The following CAPN3 variants were observed in gnomAD, a reference collection of about 807,000 sequenced individuals.
The protein encoded by CAPN3 is calpain-3.
In CAPN3, 88 loss-of-function variants were observed where a neutral mutation model predicts 114.0. The observed-to-expected ratio is 0.77, with a 90% CI of 0.65 to 0.92. CAPN3 has a LOEUF of 0.92. Ranked by LOEUF, CAPN3 falls within the 40% of genes least tolerant of loss-of-function variation. The probability of loss-of-function intolerance (pLI) is 0.00; values close to 1 mark genes in which losing one functional copy is unlikely to be tolerated. For missense variants in CAPN3, 1,028 were observed against 1,069.0 expected (o/e 0.96, Z 0.53); for synonymous variants, 386 against 382.9 (o/e 1.01, Z -0.09).
intron 2 of CAPN3, 72 bp from the exon 3 acceptor site, chr15:42,386,095 G>A: frequency 9.5e-7 from 1 of 1,049,928 alleles, no homozygotes; most frequent in Admixed American, 1.7e-5. Context: ...GGAGTGGCTG[G>A]CTGGGATTGG....
At chr15:42,391,366 G>C (rs1047552404) in intron 6 of CAPN3, among the ~76,000 whole-genome samples, 1 of 152,110 alleles carries the variant, frequency 6.6e-6, no homozygotes, top group Non-Finnish European at 1.5e-5. Context: ...GATATGCTTA[G>C]GTAATGACAG....
chr15:42,410,100 G>A (rs948723224), intron 19 of CAPN3, 105 bp downstream of exon 19: 4 of 991,202 alleles, frequency 4.0e-6, no homozygotes, highest in African/African-American at 3.2e-5. Flanking sequence ...TTGTGCCCAG[G>A]GAAACTTAAG....
rs985712258 is a variant in CAPN3, at chr15:42,390,047, T to A, written c.896T>A (p.Leu299His). Residue 299 changes from leucine (L) to histidine (H), a missense_variant, in exon 6 of 24, where the codon CTC becomes CAC. Leu to His is a moderately conservative substitution (Grantham distance 99, BLOSUM62 -3). Transcript: ENST00000397163. ...RMVRNMDNSLLQDSDLDPRGS... is the reference protein window; with the variant it reads ...RMVRNMDNSLHQDSDLDPRGS... ...GTAAGGAATATGGATAACTCACTGCTCCAGGACTCAGACCTCGACCCCAGA... is the reference window on the plus strand; with the variant it reads ...GTAAGGAATATGGATAACTCACTGCACCAGGACTCAGACCTCGACCCCAGA... 2.5e-5 allele frequency: 40 copies of A among 1,614,054 alleles called. No homozygotes were observed. Among genetic ancestry groups the A allele is most frequent in the Non-Finnish European group, 3.2e-5 (38 of 1,180,008 alleles).
In CAPN3 at chr15:42,401,678, C is replaced by T. The variant is rs752507483; in HGVS notation, c.1392C>T (p.Leu464=). ...CCAACCCTCAGTACCGTCTGAAGCT[C>T]CTGGAGGAGGACGATGACCCTGATG... is the stretch of plus-strand genomic sequence containing the variant. ...FWTNPQYRLK[L]LEEDDDPDDS... is the part of the protein sequence containing the mutation. Residue 464 remains leucine (L), a synonymous_variant, in exon 11 of 24, where the codon CTC becomes CTT. Transcript: ENST00000397163. 5.0e-6 allele frequency: 8 copies of T among 1,614,180 alleles called. No individual in the cohort carries two copies. Among genetic ancestry groups the T allele is most frequent in the South Asian group, 1.1e-5 (1 of 91,080 alleles).
intron 21 of CAPN3, 37 bp downstream of exon 21, chr15:42,410,703 G>T: frequency 1.3e-6 from 2 of 1,553,456 alleles, no homozygotes; most frequent in Admixed American, 1.7e-5. Flanking sequence ...ATGTGGACCC[G>T]AGACGGTGGG....
chr15:42,373,169 GGTGA>G (rs2052999845), intron 1 of CAPN3, among the ~76,000 whole-genome samples: 13 of 152,146 alleles, frequency 8.5e-5, no homozygotes, highest in Admixed American at 7.9e-4. Context: ...CTCCAGCCTG[GGTGA>G]CAGAGCAAGA....
chr15:42,403,411 C>G (rs1446501128), intron 13 of CAPN3, among the ~76,000 whole-genome samples: 2 of 152,094 alleles, frequency 1.3e-5, no homozygotes, highest in Non-Finnish European at 2.9e-5. Context: ...CCAGGAAAGC[C>G]ACATCCTGTC....
intron 22 of CAPN3, 110 bp downstream of exon 22, chr15:42,411,110 A>G (rs1044866326): frequency 8.3e-6 from 9 of 1,079,606 alleles, no homozygotes; most frequent in African/African-American, 7.8e-5. Flanking sequence ...ACAAGGGCCA[A>G]TGACCTCTTT....
Position 42,403,960 on chromosome 15 carries a change from A to T in CAPN3, c.1782+183A>T, listed in dbSNP as rs7163986. 133,877 of 690,964 alleles carry T rather than the reference A, an allele frequency of 0.19. 18,601 individuals carry two copies. The highest frequency in any genetic ancestry group is 0.55 in the African/African-American group (31,564 of 56,900). 42.8% of individuals were successfully genotyped at this position (690,964 alleles called of 1,614,324 possible). A position where few individuals can be genotyped will look rare whatever the true frequency, so the allele number is the denominator to read the frequency against. On this transcript the variant is annotated intron_variant, in intron 14 of 23. Coordinates refer to ENST00000397163, the MANE Select transcript of CAPN3 (RefSeq NM_000070.3). ...GCATGGCCAGAAGTAATCGGCCTTA[A>T]GCACCGGGGGCCATTGAGGCAGTTC...
chr15:42,401,345 A>G (rs563510877), intron 10 of CAPN3, among the ~76,000 whole-genome samples: 2 of 152,172 alleles, frequency 1.3e-5, no homozygotes, highest in East Asian at 1.9e-4. Flanking sequence ...ACCAGATTCT[A>G]GTCACCAACA....
intron 1 of CAPN3, among the ~76,000 whole-genome samples, chr15:42,377,314 T>C (rs990277465): frequency 6.6e-6 from 1 of 152,200 alleles, no homozygotes; most frequent in African/African-American, 2.4e-5. Flanking sequence ...TTTTTGAAAG[T>C]GGATGATCGT....
intron 17 of CAPN3, 44 bp from the exon 18 acceptor site, chr15:42,409,743 T>A: frequency 6.5e-7 from 1 of 1,542,802 alleles, no homozygotes. Context: ...CGCCAGGAGC[T>A]GCTGTACTCC....
chr15:42,411,703 T>TGC, intron 23 of CAPN3, 44 bp from the exon 24 acceptor site: 1 of 379,472 alleles, frequency 2.6e-6, no homozygotes, highest in Non-Finnish European at 4.5e-6. Context: ...GGGGGGGGGG[T>TGC]CACTCTTTTC....
intron 1 of CAPN3, among the ~76,000 whole-genome samples, chr15:42,367,107 T>C (rs2052807278): frequency 6.6e-6 from 1 of 152,122 alleles, no homozygotes; most frequent in South Asian, 2.1e-4. Context: ...GCTGGGATTA[T>C]AGGCATGAGG....
At chr15:42,384,162 C>G (rs1411951262) in intron 1 of CAPN3, among the ~76,000 whole-genome samples, 1 of 151,918 alleles carries the variant, frequency 6.6e-6, no homozygotes, top group Non-Finnish European at 1.5e-5. Flanking sequence ...ATCTGTAATC[C>G]CAGCACTTTG....
At chr15:42,409,024 A>AG in intron 16 of CAPN3, 1 of 436,854 alleles carries the variant, frequency 2.3e-6, no homozygotes, top group South Asian at 2.2e-5. Context: ...GGGATGGTGG[A>AG]GGGGGCTCTT....
chr15:42,401,752 G>A lies in CAPN3; in HGVS notation c.1466G>A (p.Arg489Gln), dbSNP rs147764579. 5.7e-5 allele frequency: 92 copies of A among 1,613,902 alleles called. No individual in the cohort carries two copies. The Middle Eastern group carries it at 6.6e-4, about 12-fold the overall frequency. The change falls in exon 11 of 24, where the codon CGG becomes CAG. Residue 489 changes from arginine (R) to glutamine (Q), a missense_variant. By Grantham distance (43) the Arg-to-Gln change is conservative. Transcript: ENST00000397163. ...SFLVALMQKN[R>Q]RKDRKLGASL... ...CTGGTGGCCCTGATGCAGAAGAACC[G>A]GCGGAAGGACCGGAAGCTAGGGGCC...
rs1011699008 is a variant in CAPN3, at chr15:42,384,522, A to C, written c.349A>C (p.Asn117His). The change falls in exon 2 of 24, where the codon AAC (asparagine) becomes CAC (histidine). Residue 117 changes from asparagine to histidine, a missense_variant. Physicochemically the swap from Asn to His is moderately conservative, Grantham distance 68. Coordinates refer to ENST00000397163, the MANE Select transcript of CAPN3 (RefSeq NM_000070.3). Reference protein sequence around the residue: ...ENPRFIIDGANRTDICQGELG... With the variant: ...ENPRFIIDGAHRTDICQGELG... ...TCCCCGATTTATCATTGATGGAGCC[A>C]ACAGAACTGACATCTGTCAAGGAGA... 8 of 1,613,920 alleles carry C rather than the reference A, an allele frequency of 5.0e-6. No homozygotes were observed. The Admixed American group carries it at 5.0e-5, about 10-fold the overall frequency.
chr15:42,392,190 G>C lies in CAPN3; in HGVS notation c.946-449G>C, dbSNP rs149572334. Among the ~76,000 whole-genome samples the C allele has an allele frequency of 3.6e-3, 541 of 152,162 alleles. 3 individuals carry two copies. The highest frequency in any genetic ancestry group is 0.013 in the African/African-American group (520 of 41,532). On this transcript the variant is annotated intron_variant, in intron 6 of 23. Transcript: ENST00000397163. ...AAAAAACAAAAAAGAAAGAAAAAAA[G>C]AAAAAGCTAGACTTACATGTGTCAC...
Sources: allele counts gnomAD v4.1 joint callset (sites outside exome capture counted in the v4.1 genomes callset), GRCh38; gene constraint gnomAD v4.1.1; transcripts MANE v1.5; gene names NCBI Gene and HGNC (gene_info 2026-07-23, HGNC 2026-07-21).